The following RNF135 variants were observed in gnomAD, a reference collection of about 807,000 sequenced individuals.
RNF135 encodes the protein ring finger protein 135.
In RNF135, 46 loss-of-function variants were observed where a neutral mutation model predicts 41.9. The observed-to-expected ratio is 1.10, with a 90% CI of 0.87 to 1.40. The LOEUF is 1.40. Ranked by LOEUF, RNF135 falls within the 40% of genes most tolerant of loss-of-function variation. RNF135 has a pLI of 0.00. For synonymous variants in RNF135, 238 were observed against 223.8 expected, an observed-to-expected ratio of 1.06 and a Z score of -0.57; for missense variants, 539 against 549.8, an observed-to-expected ratio of 0.98 and a Z score of 0.20.
Position 30,999,529 on chromosome 17 carries a change from C to T in RNF135, c.*338C>T, listed in dbSNP as rs985642780. ...CCCTGCCTGGCTCCTGGGAGATAAC[C>T]TCTAAGCCATTAGAATATCTTGCCT... is the stretch of plus-strand genomic sequence containing the variant. On this transcript the variant is annotated 3_prime_UTR_variant, in exon 5 of 5. Transcript: ENST00000328381. 4 of 324,438 alleles carry T rather than the reference C, an allele frequency of 1.2e-5. No homozygotes were observed. The highest frequency in any genetic ancestry group is 4.2e-5 in the African/African-American group (2 of 47,268). The allele number at this position is 324,438 out of a possible 1,614,324, so 20.1% of individuals were successfully genotyped here.
At chr17:30,974,842 C>T (rs1906299376) in intron 1 of RNF135, among the ~76,000 whole-genome samples, 1 of 151,870 alleles carries the variant, frequency 6.6e-6, no homozygotes, top group African/African-American at 2.4e-5. Flanking sequence ...ACCACCCAGG[C>T]TAATTTTTAT....
At chr17:30,975,442 A>G (rs1906359738) in intron 1 of RNF135, 1 of 774,700 alleles carries the variant, frequency 1.3e-6, no homozygotes, top group Non-Finnish European at 2.4e-6. Flanking sequence ...CACACAGGAA[A>G]TGAACTGTGT....
chr17:30,992,938 C>T (rs9907225), intron 3 of RNF135, among the ~76,000 whole-genome samples: 30,325 of 151,752 alleles, frequency 0.2, 9,435 homozygotes, highest in African/African-American at 0.67. Flanking sequence ...TTTGTACTTA[C>T]ACAGTTTACA....
At chr17:30,997,531 G>A (rs1004102808) in intron 4 of RNF135, 200 bp downstream of exon 4, 4 of 644,236 alleles carry the variant, frequency 6.2e-6, no homozygotes, top group East Asian at 3.3e-5. Context: ...TCAGAGTCCC[G>A]CCAACCTTTG....
At chr17:30,969,727 GCTTTTTTTTCTTTCTTTTCTTT>G (rs1211916673), upstream of RNF135, among the ~76,000 whole-genome samples, 29 of 150,028 alleles carry the variant, frequency 1.9e-4, no homozygotes, top group African/African-American at 4.9e-4. Flanking sequence ...AACCACAAAC[GCTTTTTTTTCTTTCTTTTCTTT>G]CTTTTTTTTC....
At chr17:30,996,183 A>G (rs914211079) in intron 3 of RNF135, among the ~76,000 whole-genome samples, 3 of 142,088 alleles carry the variant, frequency 2.1e-5, no homozygotes, top group East Asian at 2.0e-4. Flanking sequence ...TCCGCCTCCC[A>G]GGTTCAAGTG....
At chr17:30,960,595 C>G in the RNF135 span, among the ~76,000 whole-genome samples, 1 of 152,046 alleles carries the variant, frequency 6.6e-6, no homozygotes, top group Non-Finnish European at 1.5e-5. Flanking sequence ...CCAAAACTCC[C>G]TTGTAGCCAC....
In RNF135 at chr17:30,971,260, C is replaced by T; in HGVS notation, c.187C>T (p.Arg63Cys). Residue 63 changes from arginine (R) to cysteine (C), a missense_variant, in exon 1 of 5, where the codon CGC becomes TGC. Arg to Cys is a radical substitution (Grantham distance 180). Coordinates refer to ENST00000328381, the MANE Select transcript of RNF135 (RefSeq NM_032322.4). Reference protein sequence around the residue: ...DARRWACPTCRQGAAQQPHLR... With the variant: ...DARRWACPTCCQGAAQQPHLR... ...CCGCCGCTGGGCCTGCCCCACTTGC[C>T]GCCAGGGCGCCGCGCAGCAGCCGCA... 1.3e-6 allele frequency: 2 copies of T among 1,522,994 alleles called. No homozygotes were observed. The highest frequency in any genetic ancestry group is 2.4e-5 in the South Asian group (2 of 82,246). 94.3% of individuals were successfully genotyped at this position (1,522,994 alleles called of 1,614,324 possible). A position where few individuals can be genotyped will look rare whatever the true frequency, so the allele number is the denominator to read the frequency against.
rs1486589429 is a variant in RNF135, at chr17:30,980,935, G to A, written c.373-3682G>A. On this transcript the variant is annotated intron_variant, in intron 1 of 4. Transcript: ENST00000328381. Reference sequence around the variant, plus strand: ...CCCAGACGATGGGTGGCCAAGCAGAGAAGCTCCTCACTTCCCAGACGGGGT... The same window carrying A: ...CCCAGACGATGGGTGGCCAAGCAGAAAAGCTCCTCACTTCCCAGACGGGGT... 2.0e-5 allele frequency among the ~76,000 whole-genome samples: 3 copies of A among 150,936 alleles called. No individual in the cohort carries two copies. The East Asian group carries it at 5.9e-4, about 30-fold the overall frequency.
chr17:30,984,981 T>G (rs149250569), intron 2 of RNF135, among the ~76,000 whole-genome samples: 2 of 152,340 alleles, frequency 1.3e-5, no homozygotes, highest in Non-Finnish European at 1.5e-5. Flanking sequence ...ACAAGCTGTC[T>G]CTAAGATCAC....
the RNF135 span, among the ~76,000 whole-genome samples, chr17:30,965,873 CA>C: frequency 2.6e-5 from 4 of 151,512 alleles, no homozygotes; most frequent in Non-Finnish European, 5.9e-5. Context: ...GCCACATGGC[CA>C]ACTGAGTCAC....
At chr17:30,983,331 ATATATATATATATATATATATATTTT>A (rs1354766733) in intron 1 of RNF135, among the ~76,000 whole-genome samples, 1 of 30,660 alleles carries the variant, frequency 3.3e-5, no homozygotes, top group Non-Finnish European at 6.4e-5. Flanking sequence ...ATATATATAT[ATATATATATATATATATATATATTTT>A]TTTTTTTTTT....
the RNF135 span, among the ~76,000 whole-genome samples, chr17:30,965,685 T>C: frequency 6.6e-6 from 1 of 151,578 alleles, no homozygotes; most frequent in African/African-American, 2.4e-5. Flanking sequence ...TAAGGTGAGG[T>C]TGGCCATGTG....
chr17:30,997,541 G>C (rs1166867711), intron 4 of RNF135: 1 of 632,580 alleles, frequency 1.6e-6, no homozygotes, highest in Non-Finnish European at 3.0e-6. Context: ...GCCAACCTTT[G>C]AGCATCTCTG....
chr17:30,973,540 T>C (rs1906181422), intron 1 of RNF135, among the ~76,000 whole-genome samples: 1 of 151,892 alleles, frequency 6.6e-6, no homozygotes, highest in South Asian at 2.1e-4. Context: ...CGATCTCAGC[T>C]CACTGCAGCC....
In RNF135 at chr17:30,971,388, C is replaced by T. The variant is rs1262247144; in HGVS notation, c.315C>T (p.Gly105=). The T allele has an allele frequency of 6.6e-7, 1 of 1,524,290 alleles. No homozygotes were observed. Among genetic ancestry groups the T allele is most frequent in the South Asian group, 1.2e-5 (1 of 82,810 alleles). The allele number at this position is 1,524,290 out of a possible 1,614,324, so 94.4% of individuals were successfully genotyped here. Residue 105 remains glycine, a synonymous_variant, in exon 1 of 5, where the codon GGC becomes GGT. Transcript: ENST00000328381. The part of the protein sequence containing the change: ...GSDPAHCPCP[G]SSSLSSAAAR... ...ACCCTGCCCACTGCCCCTGCCCGGG[C>T]TCCAGTTCCCTCTCCAGCGCGGCCG...
chr17:30,960,416 A>T, the RNF135 span, among the ~76,000 whole-genome samples: 1 of 151,710 alleles, frequency 6.6e-6, no homozygotes, highest in Non-Finnish European at 1.5e-5. Context: ...AAAAGAAAAA[A>T]AAAAAAGCCA....
chr17:30,977,285 A>C (rs1216253177), intron 1 of RNF135, among the ~76,000 whole-genome samples: 1 of 152,148 alleles, frequency 6.6e-6, no homozygotes, highest in Non-Finnish European at 1.5e-5. Context: ...ATTTCTGTGT[A>C]TATCTTATAC....
chr17:30,983,346 TATATATA>T lies in RNF135; in HGVS notation c.373-1270_373-1264del, dbSNP rs1392477158. 4.7e-3 allele frequency among the ~76,000 whole-genome samples: 161 copies of T among 34,490 alleles called. 1 individual carries two copies. Among genetic ancestry groups the T allele is most frequent in the African/African-American group, 0.014 (126 of 8,854 alleles). 22.6% of individuals were successfully genotyped at this position (34,490 alleles called of 152,430 possible). ...ATATATATATATATATATATATATATATATATATTTTTTTTTTTTTTTTTTGAGATGG... is the reference window on the plus strand; with the variant it reads ...ATATATATATATATATATATATATATTTTTTTTTTTTTTTTTTTGAGATGG... On this transcript the variant is annotated intron_variant, in intron 1 of 4. Transcript: ENST00000328381.
Sources: allele counts gnomAD v4.1 joint callset (sites outside exome capture counted in the v4.1 genomes callset), GRCh38; gene constraint gnomAD v4.1.1; transcripts MANE v1.5; gene names NCBI Gene and HGNC (gene_info 2026-07-23, HGNC 2026-07-21).